SCAMP3: variants seen among roughly 807,000 people sequenced by gnomAD.
The protein encoded by SCAMP3 is secretory carrier-associated membrane protein 3.
SCAMP3 carries 30 observed loss-of-function variants against 44.1 expected under a neutral mutation model. That is an observed-to-expected ratio of 0.68 (90% CI 0.51 to 0.92). The LOEUF (loss-of-function observed/expected upper bound fraction) is 0.92, where lower values mean the gene tolerates loss of function less well. SCAMP3 is among the 40% of genes least tolerant of loss of function. The pLI is 0.00. For missense variants in SCAMP3, 394 were observed against 440.0 expected (o/e 0.90, Z 0.93); for synonymous variants, 168 against 171.1 (o/e 0.98, Z 0.14).
chr1:155,259,260 C>T (rs1323661570), intron 4 of SCAMP3, among the ~76,000 whole-genome samples: 8 of 150,976 alleles, frequency 5.3e-5, no homozygotes, highest in South Asian at 2.1e-4. Context: ...GTGCAATCTC[C>T]GCCTCCCGGG....
chr1:155,256,491 C>T (rs1456038955), intron 8 of SCAMP3, 72 bp from the exon 9 acceptor site: 1 of 1,525,404 alleles, frequency 6.6e-7, no homozygotes, highest in East Asian at 2.3e-5. Context: ...AACAGCATCA[C>T]TACCACTCAG....
In SCAMP3 at chr1:155,258,809, G is replaced by C; in HGVS notation, c.517+17C>G. 1 of 1,594,276 alleles carries C rather than the reference G, an allele frequency of 6.3e-7. No individual in the cohort carries two copies. The highest frequency in any genetic ancestry group is 8.5e-7 in the Non-Finnish European group (1 of 1,171,718). The stretch of plus-strand genomic sequence containing the variant: ...GATCTACCTGTAACTTCCTCCAAAA[G>C]GCTTCTCACTACTCACACATCCAGA... On this transcript the variant is annotated intron_variant, in intron 5 of 8. Coordinates refer to ENST00000302631, the MANE Select transcript of SCAMP3 (RefSeq NM_005698.4).
intron 7 of SCAMP3, 102 bp downstream of exon 7, chr1:155,257,183 G>A: frequency 1.3e-6 from 1 of 770,650 alleles, no homozygotes. Flanking sequence ...TACCTCCCAA[G>A]GATTAAAACC....
At chr1:155,256,577 C>G in intron 8 of SCAMP3, 97 bp downstream of exon 8, 2 of 1,369,512 alleles carry the variant, frequency 1.5e-6, no homozygotes, top group Middle Eastern at 3.8e-4. Flanking sequence ...AACAACCCAG[C>G]AGCCTGACCT....
chr1:155,256,419 T>C lies in SCAMP3; in HGVS notation c.898A>G (p.Ile300Val), dbSNP rs750946574. ...AVLGIVMLKR[I>V]HSLYRRTGAS... ...CCTGTGCGGCGGTATAAGGAGTGGA[T>C]CTGCAAGTAGAGGACAAAGACATTA... is the stretch of plus-strand genomic sequence containing the variant. The change falls in exon 9 of 9, where the codon ATC becomes GTC. Residue 300 changes from isoleucine to valine, a missense_variant and splice_region_variant. Coordinates refer to ENST00000302631, the MANE Select transcript of SCAMP3 (RefSeq NM_005698.4). 11 of 1,578,434 alleles carry C rather than the reference T, an allele frequency of 7.0e-6. No individual in the cohort carries two copies. The Middle Eastern group carries it at 5.1e-4, about 73-fold the overall frequency.
At chr1:155,261,909 C>A in intron 1 of SCAMP3, 175 bp from the exon 2 acceptor site, 1 of 795,940 alleles carries the variant, frequency 1.3e-6, no homozygotes. Context: ...CAGCACCAGC[C>A]CATTAAGGGG....
At position 155,256,747 on chromosome 1, in the gene SCAMP3, A is replaced by G. The variant is rs1557924295; in HGVS notation, c.824T>C (p.Val275Ala). ...ALVVPKGNTA[V>A]SVLMLLVALL... is the part of the protein sequence containing the mutation. ...GGCGACCAGCAGCATGAGCACGGATACTGCTGTGTTGCCCTTCGGCACCAC... is the reference window on the plus strand; with the variant it reads ...GGCGACCAGCAGCATGAGCACGGATGCTGCTGTGTTGCCCTTCGGCACCAC... The change falls in exon 8 of 9, where the codon GTA becomes GCA. Residue 275 changes from valine to alanine, a missense_variant. Transcript: ENST00000302631. The G allele has an allele frequency of 1.2e-5, 19 of 1,614,204 alleles. No individual in the cohort carries two copies. Among genetic ancestry groups the G allele is most frequent in the Non-Finnish European group, 1.5e-5 (18 of 1,180,028 alleles).
Position 155,256,671 on chromosome 1 carries a change from C to T in SCAMP3, c.897+3G>A, listed in dbSNP as rs1672808372. 3.1e-6 allele frequency: 5 copies of T among 1,613,076 alleles called. No homozygotes were observed. In the Admixed American group the frequency reaches 6.7e-5, roughly 22 times the overall value. On this transcript the variant is annotated splice_donor_region_variant and intron_variant, in intron 8 of 8. Transcript: ENST00000302631. Reference sequence around the variant, plus strand: ...CCGGCCCCACCTTCGACACAGCCCTCACCCGTTTCAGCATGACAATTCCTA... The same window carrying T: ...CCGGCCCCACCTTCGACACAGCCCTTACCCGTTTCAGCATGACAATTCCTA...
At chr1:155,258,532 C>T (rs542799930) in intron 5 of SCAMP3, among the ~76,000 whole-genome samples, 12 of 151,614 alleles carry the variant, frequency 7.9e-5, no homozygotes, top group Non-Finnish European at 1.6e-4. Flanking sequence ...GATGGGGTTT[C>T]TCCATGTTGA....
At chr1:155,261,995 T>A (rs1222186764) in intron 1 of SCAMP3, 91 bp downstream of exon 1, 1 of 1,312,550 alleles carries the variant, frequency 7.6e-7, no homozygotes. Flanking sequence ...CAGGATCAAA[T>A]GTCACAAATG....
intron 2 of SCAMP3, chr1:155,261,382 T>C (rs1672957382): frequency 6.3e-6 from 3 of 478,338 alleles, no homozygotes; most frequent in South Asian, 5.9e-5. Flanking sequence ...TTTATTTTCT[T>C]CAAGAAAGCC....
intron 4 of SCAMP3, among the ~76,000 whole-genome samples, chr1:155,259,416 C>T (rs554350685): frequency 3.9e-5 from 6 of 152,292 alleles, no homozygotes; most frequent in African/African-American, 1.2e-4. Context: ...GTGATCCACC[C>T]GCCTTGGCCT....
rs749088481 is a variant in SCAMP3 at position 155,262,116 on chromosome 1, G to A, written c.36C>T (p.Ala12=). 21 of 1,613,992 alleles carry A rather than the reference G, an allele frequency of 1.3e-5. No homozygotes were observed. The highest frequency in any genetic ancestry group is 1.2e-4 in the Admixed American group (7 of 60,012). Residue 12 remains alanine, a synonymous_variant, in exon 1 of 9, where the codon GCC becomes GCT. Coordinates refer to ENST00000302631, the MANE Select transcript of SCAMP3 (RefSeq NM_005698.4). ...AGGGGTTGTCAAGCTCGCTGGGCTC[G>A]GCGAACGGGTTTCCGCCGTCTCTGC... is the stretch of plus-strand genomic sequence containing the variant. The part of the protein sequence containing the change: ...AQSRDGGNPF[A]EPSELDNPFQ...
intron 2 of SCAMP3, 188 bp downstream of exon 2, chr1:155,261,469 T>C (rs1295946566): frequency 1.6e-6 from 1 of 632,252 alleles, no homozygotes; most frequent in South Asian, 1.8e-5. Flanking sequence ...CTCAAACCAT[T>C]TGGGTTGGTG....
chr1:155,257,765 T>C (rs1672845448), intron 5 of SCAMP3, 108 bp from the exon 6 acceptor site: 1 of 1,040,928 alleles, frequency 9.6e-7, no homozygotes, highest in Non-Finnish European at 1.4e-6. Context: ...AGTAAGGAAA[T>C]GAAGGCAGCT....
chr1:155,258,790 C>A (rs1447049250), intron 5 of SCAMP3, 36 bp downstream of exon 5: 1 of 1,578,914 alleles, frequency 6.3e-7, no homozygotes. Flanking sequence ...AAGAGATCTA[C>A]CTGTAACTTC....
rs1266095764 is a variant in SCAMP3 at position 155,258,401 on chromosome 1, A to G, written c.517+425T>C. Among the ~76,000 whole-genome samples, 3 of 132,686 alleles carry G rather than the reference A, an allele frequency of 2.3e-5. No individual in the cohort carries two copies. In the Admixed American group the frequency reaches 2.7e-4, roughly 12 times the overall value. The allele number at this position is 132,686 out of a possible 152,430, so 87.0% of individuals were successfully genotyped here. A position where few individuals can be genotyped will look rare whatever the true frequency, so the allele number is the denominator to read the frequency against. ...GCCCAGGCTGGAGTGCAATGGCATG[A>G]TCTTGGCTCATTGCAACCTCCACTT... On this transcript the variant is annotated intron_variant, in intron 5 of 8. Coordinates refer to ENST00000302631, the MANE Select transcript of SCAMP3 (RefSeq NM_005698.4).
Position 155,260,396 on chromosome 1 carries a change from G to A in SCAMP3, c.322C>T (p.Arg108Trp), listed in dbSNP as rs371041272. Residue 108 changes from arginine (R) to tryptophan (W), a missense_variant, in exon 4 of 9, where the codon CGG (arginine) becomes TGG (tryptophan). Arg to Trp is a moderately radical substitution (Grantham distance 101). Transcript: ENST00000302631. ...CTTCGGTCCAACTCCTCTGCCTTCC[G>A]GTTGAGCTCCTCCTGTTTCTTCAGC... The part of the protein sequence containing the change: ...ELLKKQEELN[R>W]KAEELDRRER... The A allele has an allele frequency of 1.1e-4, 185 of 1,613,960 alleles. No homozygotes were observed. The highest frequency in any genetic ancestry group is 1.4e-4 in the Non-Finnish European group (161 of 1,180,034).
intron 1 of SCAMP3, 89 bp downstream of exon 1, chr1:155,261,997 T>C: frequency 7.5e-7 from 1 of 1,332,742 alleles, no homozygotes; most frequent in Non-Finnish European, 1.1e-6. Context: ...GGATCAAATG[T>C]CACAAATGGG....
Sources: gnomAD v4.1 joint callset for allele counts (sites outside exome capture counted in the v4.1 genomes callset) on GRCh38, gnomAD v4.1.1 for gene constraint, MANE v1.5 for transcripts, NCBI Gene and HGNC (gene_info 2026-07-23, HGNC 2026-07-21) for gene names.